GHRHR: variants seen among roughly 807,000 people sequenced by gnomAD.
GHRHR encodes growth hormone releasing hormone receptor.
GHRHR carries 40 observed loss-of-function variants against 58.3 expected under a neutral mutation model. That is an observed-to-expected ratio of 0.69 (90% CI 0.53 to 0.89). The LOEUF (loss-of-function observed/expected upper bound fraction) is 0.89. Among genes scored for constraint, GHRHR ranks in the 40% least tolerant of loss-of-function variants. The probability of loss-of-function intolerance (pLI) is 0.00; values close to 1 mark genes in which losing one functional copy is unlikely to be tolerated. For synonymous variants in GHRHR, 249 were observed against 216.6 expected, an observed-to-expected ratio of 1.15 and a Z score of -1.31; for missense variants, 551 against 541.3, an observed-to-expected ratio of 1.02 and a Z score of -0.18.
chr7:30,975,711 T>C, intron 9 of GHRHR, 66 bp from the exon 10 acceptor site: 2 of 890,078 alleles, frequency 2.2e-6, no homozygotes, highest in Non-Finnish European at 3.8e-6. Context: ...GGGCTGGGGC[T>C]CACCCCAGCC....
intron 3 of GHRHR, chr7:30,969,581 T>C: frequency 1.7e-6 from 1 of 605,818 alleles, no homozygotes. Context: ...CTTTTCTCCC[T>C]ACTGCCCTTA....
chr7:30,974,952 T>G lies in GHRHR; in HGVS notation c.813-19T>G, dbSNP rs35248685. 6.3e-7 allele frequency: 1 copy of G among 1,585,444 alleles called. No homozygotes were observed. Among genetic ancestry groups the G allele is most frequent in the African/African-American group, 1.3e-5 (1 of 74,378 alleles). ...TGAAGGGGACTTTCCAACAACGGCC[T>G]TCTTTCCTCTCTCCCCAGGTGCTGG... On this transcript the variant is annotated intron_variant, in intron 8 of 12. Transcript: ENST00000326139.
At chr7:30,971,868 C>T (rs1035381310) in intron 5 of GHRHR, 95 bp from the exon 6 acceptor site, 22 of 1,131,040 alleles carry the variant, frequency 1.9e-5, no homozygotes, top group South Asian at 2.5e-5. Flanking sequence ...CAGTTTGATT[C>T]GATTCACCTC....
At chr7:30,970,653 G>A (rs1562593433) in intron 4 of GHRHR, among the ~76,000 whole-genome samples, 1 of 152,220 alleles carries the variant, frequency 6.6e-6, no homozygotes, top group South Asian at 2.1e-4. Flanking sequence ...GGCCAGGCTG[G>A]ACTCTGACTG....
intron 5 of GHRHR, 147 bp downstream of exon 5, chr7:30,971,363 C>G (rs1268698935): frequency 2.9e-6 from 2 of 693,888 alleles, no homozygotes; most frequent in East Asian, 5.4e-5. Flanking sequence ...TTTTCCCCAC[C>G]ATGTAGACCC....
chr7:30,969,564 A>C (rs1792437840), intron 3 of GHRHR: 1 of 602,948 alleles, frequency 1.7e-6, no homozygotes, highest in African/African-American at 1.9e-5. Context: ...TGGGACAGTG[A>C]GGGCCTCTTT....
Position 30,979,159 on chromosome 7 carries a change from C to G in GHRHR, c.1187C>G (p.Pro396Arg), listed in dbSNP as rs775631493. The change falls in exon 13 of 13, where the codon CCT (proline) becomes CGT (arginine). Residue 396 changes from proline to arginine, a missense_variant. Physicochemically the swap from Pro to Arg is moderately radical, Grantham distance 103. Transcript: ENST00000326139. ...EISRKWHGHDPELLPAWRTRA... is the reference protein window; with the variant it reads ...EISRKWHGHDRELLPAWRTRA... ...TCACGGAAGTGGCATGGCCATGACC[C>G]TGAGCTTCTGCCAGCCTGGAGGACC... 1.9e-6 allele frequency: 3 copies of G among 1,613,712 alleles called. No homozygotes were observed. Among genetic ancestry groups the G allele is most frequent in the East Asian group, 4.5e-5 (2 of 44,872 alleles).
In GHRHR at chr7:30,974,145, A is replaced by G. The variant is rs1463966328; in HGVS notation, c.751+7A>G. 4.3e-6 allele frequency: 7 copies of G among 1,613,330 alleles called. No individual in the cohort carries two copies. The highest frequency in any genetic ancestry group is 1.3e-5 in the African/African-American group (1 of 74,900). ...CTGGTTCTCGCTGGCTGGGGTGAGC[A>G]CTGAGGGCGGGTTGGGCACCATGGG... On this transcript the variant is annotated splice_region_variant and intron_variant, in intron 7 of 12. Coordinates refer to ENST00000326139, the MANE Select transcript of GHRHR (RefSeq NM_000823.4).
At chr7:30,974,795 G>A (rs1014165765) in intron 8 of GHRHR, among the ~76,000 whole-genome samples, 176 bp from the exon 9 acceptor site, 1 of 152,184 alleles carries the variant, frequency 6.6e-6, no homozygotes, top group African/African-American at 2.4e-5. Flanking sequence ...TAGAAAGGGT[G>A]AGCCCAGCCT....
chr7:30,971,874 A>G, intron 5 of GHRHR, 89 bp from the exon 6 acceptor site: 2 of 1,207,222 alleles, frequency 1.7e-6, no homozygotes, highest in South Asian at 1.2e-5. Context: ...GATTCGATTC[A>G]CCTCCTGCCC....
chr7:30,966,542 T>TA (rs551335683), intron 1 of GHRHR, among the ~76,000 whole-genome samples: 70 of 152,212 alleles, frequency 4.6e-4, no homozygotes, highest in South Asian at 2.9e-3. Flanking sequence ...TGTCTGGCTC[T>TA]AAAAAATGCT....
At chr7:30,968,123 C>T (rs1384702994) in intron 1 of GHRHR, among the ~76,000 whole-genome samples, 1 of 152,138 alleles carries the variant, frequency 6.6e-6, no homozygotes, top group Non-Finnish European at 1.5e-5. Context: ...TACATCAGGC[C>T]TACTCAGATA....
chr7:30,977,282 G>A lies in GHRHR; in HGVS notation c.1106G>A (p.Gly369Asp). The A allele has an allele frequency of 4.3e-6, 7 of 1,614,066 alleles. No homozygotes were observed. The highest frequency in any genetic ancestry group is 5.9e-6 in the Non-Finnish European group (7 of 1,179,936). ...PLELGLGSFQ[G>D]FIVAILYCFL... is the part of the protein sequence containing the mutation. ...GGTCTTTCTTCTTTGGACCCACAGGGCTTCATTGTTGCCATCCTCTACTGC... is the reference window on the plus strand; with the variant it reads ...GGTCTTTCTTCTTTGGACCCACAGGACTTCATTGTTGCCATCCTCTACTGC... Residue 369 changes from glycine (G) to aspartate (D), a missense_variant and splice_region_variant, in exon 12 of 13, where the codon GGC becomes GAC. Physicochemically the swap from Gly to Asp is moderately conservative, Grantham distance 94. Coordinates refer to ENST00000326139, the MANE Select transcript of GHRHR (RefSeq NM_000823.4).
chr7:30,973,120 A>C (rs1036667389), intron 6 of GHRHR, among the ~76,000 whole-genome samples: 12 of 152,242 alleles, frequency 7.9e-5, no homozygotes, highest in African/African-American at 2.9e-4. Context: ...CAATAAAGTA[A>C]GCTAGAGAAA....
rs1792444109 is a variant in GHRHR at position 30,969,868 on chromosome 7, G to A, written c.270G>A (p.Gly90=). ...TAGAGAGTCTTGCTTGCCTCCCAGG[G>A]GCTGTGAAACGGGATTGTACTATCA... ...DFFSHFSSES[G]AVKRDCTITG... The change falls in exon 4 of 13, where the codon GGG becomes GGA. Residue 90 remains glycine, a splice_region_variant and synonymous_variant. Transcript: ENST00000326139. 1.9e-6 allele frequency: 3 copies of A among 1,613,764 alleles called. No individual in the cohort carries two copies. Among genetic ancestry groups the A allele is most frequent in the Middle Eastern group, 3.3e-4 (2 of 6,062 alleles).
rs1396948646 is a variant in GHRHR at position 30,974,081 on chromosome 7, G to C, written c.694G>C (p.Ala232Pro). The change falls in exon 7 of 13, where the codon GCC (alanine) becomes CCC (proline). Residue 232 changes from alanine to proline, a missense_variant. By Grantham distance (27) the Ala-to-Pro change is conservative. Coordinates refer to ENST00000326139, the MANE Select transcript of GHRHR (RefSeq NM_000823.4). ...AEAVYLNCLL[A>P]STSPSSRRAF... ...AGCCGTCTACCTGAACTGCCTCCTG[G>C]CCTCCACCTCCCCCAGCTCAAGGAG... is the stretch of plus-strand genomic sequence containing the variant. 1 of 1,614,150 alleles carries C rather than the reference G, an allele frequency of 6.2e-7. No homozygotes were observed. The highest frequency in any genetic ancestry group is 2.2e-5 in the East Asian group (1 of 44,882).
chr7:30,976,857 T>C, intron 11 of GHRHR, among the ~76,000 whole-genome samples: 1 of 148,914 alleles, frequency 6.7e-6, no homozygotes, highest in African/African-American at 2.5e-5. Context: ...TCCACTCACC[T>C]AACCACCTAC....
chr7:30,978,396 T>C (rs1171754844), intron 12 of GHRHR, among the ~76,000 whole-genome samples: 1 of 152,208 alleles, frequency 6.6e-6, no homozygotes, highest in Non-Finnish European at 1.5e-5. Flanking sequence ...GGAGACCAGG[T>C]GGTTACATAC....
chr7:30,966,220 G>A (rs1792347293), intron 1 of GHRHR, among the ~76,000 whole-genome samples: 1 of 152,132 alleles, frequency 6.6e-6, no homozygotes, highest in Admixed American at 6.5e-5. Flanking sequence ...CTCTCCACGT[G>A]GTCACCCACC....
Sources: gnomAD v4.1 joint callset for allele counts (sites outside exome capture counted in the v4.1 genomes callset) on GRCh38, gnomAD v4.1.1 for gene constraint, MANE v1.5 for transcripts, NCBI Gene and HGNC (gene_info 2026-07-23, HGNC 2026-07-21) for gene names.